Variants in ZBTB20 observed in about 807,000 individuals in gnomAD.
ZBTB20 encodes the protein zinc finger and BTB domain containing 20, also known as zinc finger and BTB domain-containing protein 20.
A neutral mutation model predicts 56.9 loss-of-function variants in ZBTB20; 9 were observed. The observed-to-expected ratio is 0.16, with a 90% CI of 0.10 to 0.28. The LOEUF is 0.28. Among genes scored for constraint, ZBTB20 ranks in the 10% least tolerant of loss-of-function variants. The pLI is 1.00. For synonymous variants in ZBTB20, 417 were observed against 420.7 expected, an observed-to-expected ratio of 0.99 and a Z score of 0.11; for missense variants, 655 against 1,003.0, an observed-to-expected ratio of 0.65 and a Z score of 4.69.
chr3:114,633,431 A>C (rs939067106), intron 6 of ZBTB20, among the ~76,000 whole-genome samples: 3 of 152,154 alleles, frequency 2.0e-5, no homozygotes, highest in Non-Finnish European at 4.4e-5. Flanking sequence ...CTGTTGATCT[A>C]TCTGAAATCA....
intron 1 of ZBTB20, among the ~76,000 whole-genome samples, chr3:115,087,513 A>G (rs1285148226): frequency 2.0e-5 from 3 of 151,956 alleles, no homozygotes; most frequent in Non-Finnish European, 4.4e-5. Flanking sequence ...AGATGTTAAA[A>G]GACAGTAGCC....
intron 1 of ZBTB20, among the ~76,000 whole-genome samples, chr3:115,136,475 T>A (rs554682771): frequency 4.6e-5 from 7 of 152,236 alleles, no homozygotes; most frequent in Non-Finnish European, 1.0e-4. Context: ...CAGTTAAGTG[T>A]ACTATAATTC....
chr3:114,734,264 T>C (rs1042835904), intron 5 of ZBTB20, among the ~76,000 whole-genome samples: 1 of 151,980 alleles, frequency 6.6e-6, no homozygotes, highest in Non-Finnish European at 1.5e-5. Context: ...AATTTAAATG[T>C]ATTATATAAA....
In ZBTB20 at chr3:114,325,376, T is replaced by C. The variant is rs1283931509; in HGVS notation, c.*13629A>G. ...AGTTGTGAACATGCATAAAGCACTT[T>C]GAACTACAGGAAAATCTTATCTCAA... is the stretch of plus-strand genomic sequence containing the variant. On this transcript the variant is annotated 3_prime_UTR_variant, in exon 12 of 12. Coordinates refer to ENST00000675478, the MANE Select transcript of ZBTB20 (RefSeq NM_001348800.3). 1 of 152,194 alleles carries C rather than the reference T, an allele frequency of 6.6e-6. No homozygotes were observed. The highest frequency in any genetic ancestry group is 2.4e-5 in the African/African-American group (1 of 41,450). 9.4% of individuals were successfully genotyped at this position (152,194 alleles called of 1,614,324 possible). A position where few individuals can be genotyped will look rare whatever the true frequency, so the allele number is the denominator to read the frequency against.
intron 6 of ZBTB20, among the ~76,000 whole-genome samples, chr3:114,510,632 A>G (rs2045247915): frequency 6.6e-6 from 1 of 152,112 alleles, no homozygotes; most frequent in Admixed American, 6.6e-5. Context: ...GCCCTAATCA[A>G]AACAGCAGTG....
intron 4 of ZBTB20, among the ~76,000 whole-genome samples, chr3:114,890,430 T>C (rs1305534024): frequency 6.6e-6 from 1 of 152,166 alleles, no homozygotes; most frequent in South Asian, 2.1e-4. Flanking sequence ...CTAACTCGGA[T>C]AGGATGGTCT....
intron 8 of ZBTB20, chr3:114,383,484 T>C (rs980457998): frequency 1.6e-4 from 24 of 152,374 alleles, no homozygotes; most frequent in African/African-American, 3.8e-4. Flanking sequence ...CACACCCTCC[T>C]GTTGCCTCAG....
chr3:114,806,678 G>C (rs2072130136), intron 4 of ZBTB20, among the ~76,000 whole-genome samples: 1 of 151,874 alleles, frequency 6.6e-6, no homozygotes, highest in African/African-American at 2.4e-5. Context: ...CTAACCCAAA[G>C]TCATGAAGAT....
chr3:114,474,689 T>A (rs1576963232), intron 7 of ZBTB20, among the ~76,000 whole-genome samples: 1 of 152,316 alleles, frequency 6.6e-6, no homozygotes, highest in East Asian at 1.9e-4. Flanking sequence ...TTTGCTGCTC[T>A]GTTTATGACT....
intron 6 of ZBTB20, among the ~76,000 whole-genome samples, chr3:114,573,573 A>T (rs2053678584): frequency 6.6e-6 from 1 of 151,600 alleles, no homozygotes; most frequent in Non-Finnish European, 1.5e-5. Flanking sequence ...AAGAAAAAAG[A>T]GAAAAAGGAA....
chr3:115,110,144 G>A (rs138480296), intron 1 of ZBTB20, among the ~76,000 whole-genome samples: 187 of 152,142 alleles, frequency 1.2e-3, no homozygotes, highest in African/African-American at 4.2e-3. Context: ...CCCGGGAGGC[G>A]GAGGTTGCAG....
chr3:115,105,066 G>A (rs2083683041), intron 1 of ZBTB20, among the ~76,000 whole-genome samples: 1 of 152,122 alleles, frequency 6.6e-6, no homozygotes, highest in Non-Finnish European at 1.5e-5. Context: ...AATTGGTTCT[G>A]GTCCCAGCAT....
Position 114,741,424 on chromosome 3 carries a change from GA to G in ZBTB20, c.-342-47850del, listed in dbSNP as rs370169937. ...ATTTCTATGTTAAGAGTGATACAAG[GA>G]GACTTTTAGAAAGTCTAATTTTTAA... On this transcript the variant is annotated intron_variant, in intron 5 of 11. Coordinates refer to ENST00000675478, the MANE Select transcript of ZBTB20 (RefSeq NM_001348800.3). 4.4e-3 allele frequency among the ~76,000 whole-genome samples: 668 copies of G among 152,216 alleles called. 1 individual carries two copies. Among genetic ancestry groups the G allele is most frequent in the South Asian group, 0.015 (72 of 4,814 alleles).
At chr3:114,655,390 C>CT (rs1408333175) in intron 6 of ZBTB20, among the ~76,000 whole-genome samples, 1 of 150,782 alleles carries the variant, frequency 6.6e-6, no homozygotes, top group Non-Finnish European at 1.5e-5. Flanking sequence ...GTAGCTGGGA[C>CT]TACAGGCGCC....
intron 5 of ZBTB20, among the ~76,000 whole-genome samples, chr3:114,796,052 C>G (rs2071322274): frequency 6.6e-6 from 1 of 152,018 alleles, no homozygotes; most frequent in Non-Finnish European, 1.5e-5. Context: ...CTACCACAAG[C>G]TTGTTGGCTT....
intron 5 of ZBTB20, among the ~76,000 whole-genome samples, chr3:114,760,129 A>G (rs1274232): frequency 0.86 from 131,501 of 152,184 alleles, 57,508 homozygotes; most frequent in East Asian, 0.98. Context: ...TTAGGAACAT[A>G]CAAATAAAAA....
chr3:114,532,015 T>C (rs906535607), intron 6 of ZBTB20, among the ~76,000 whole-genome samples: 2 of 152,072 alleles, frequency 1.3e-5, no homozygotes, highest in African/African-American at 2.4e-5. Flanking sequence ...TTCCCTTGGG[T>C]GCCTACACCA....
chr3:114,380,038 A>G (rs1008207828), intron 10 of ZBTB20, among the ~76,000 whole-genome samples, 179 bp downstream of exon 10: 1 of 152,240 alleles, frequency 6.6e-6, no homozygotes, highest in Non-Finnish European at 1.5e-5. Context: ...GCTTTTAAAT[A>G]CACTCTAGCT....
At chr3:114,378,536 A>C (rs1435553794) in intron 10 of ZBTB20, among the ~76,000 whole-genome samples, 1 of 152,218 alleles carries the variant, frequency 6.6e-6, no homozygotes, top group East Asian at 1.9e-4. Flanking sequence ...GCTTATGATA[A>C]AGCACAATAA....
Sources: allele counts gnomAD v4.1 joint callset (sites outside exome capture counted in the v4.1 genomes callset), GRCh38; gene constraint gnomAD v4.1.1; transcripts MANE v1.5; gene names NCBI Gene and HGNC (gene_info 2026-07-23, HGNC 2026-07-21).